Variants in FAM174A observed in about 807,000 individuals in gnomAD.
The protein encoded by FAM174A is family with sequence similarity 174 member A, also known as membrane protein FAM174A.
A neutral mutation model predicts 14.3 loss-of-function variants in FAM174A; 14 were observed. The ratio of observed to expected loss-of-function variants is 0.98; its 90% CI spans 0.65 to 1.53. The LOEUF (loss-of-function observed/expected upper bound fraction) is 1.53, where lower values mean the gene tolerates loss of function less well. Among genes scored for constraint, FAM174A ranks in the 40% most tolerant of loss-of-function variants. The pLI, the probability that FAM174A is intolerant of heterozygous loss-of-function variation, is 0.00. For synonymous variants in FAM174A, 108 were observed against 111.4 expected (o/e 0.97, Z 0.19); for missense variants, 241 against 249.6 (o/e 0.97, Z 0.23).
chr5:100,574,298 C>T (rs900477558), intron 2 of FAM174A, among the ~76,000 whole-genome samples: 5 of 152,142 alleles, frequency 3.3e-5, no homozygotes, highest in African/African-American at 1.2e-4. Context: ...AAGTGATTCT[C>T]ATGCCTCAGC....
At chr5:100,551,721 A>G (rs986105848) in intron 1 of FAM174A, among the ~76,000 whole-genome samples, 8 of 152,246 alleles carry the variant, frequency 5.3e-5, no homozygotes, top group Non-Finnish European at 1.2e-4. Context: ...CAAAATCAAG[A>G]TACTGGCAGG....
intron 2 of FAM174A, among the ~76,000 whole-genome samples, chr5:100,566,898 T>C (rs570425310): frequency 6.6e-6 from 1 of 151,956 alleles, no homozygotes; most frequent in East Asian, 1.9e-4. Context: ...AAGATTACCC[T>C]GACTGCATGG....
At chr5:100,569,929 A>G (rs530431812) in intron 2 of FAM174A, among the ~76,000 whole-genome samples, 1 of 152,038 alleles carries the variant, frequency 6.6e-6, no homozygotes, top group Admixed American at 6.6e-5. Flanking sequence ...TAAATCGGGA[A>G]TAATGCTCTT....
intron 1 of FAM174A, among the ~76,000 whole-genome samples, chr5:100,539,035 G>T (rs1426655124): frequency 6.6e-6 from 1 of 151,850 alleles, no homozygotes; most frequent in Non-Finnish European, 1.5e-5. Context: ...ATTCAATTTG[G>T]TATATTGGAA....
chr5:100,576,738 A>G (rs73774443), intron 2 of FAM174A, among the ~76,000 whole-genome samples: 1,677 of 152,134 alleles, frequency 0.011, 37 homozygotes, highest in African/African-American at 0.038. Context: ...GGTTTCTGGG[A>G]AAAAAAATAG....
At chr5:100,572,318 G>T in intron 2 of FAM174A, among the ~76,000 whole-genome samples, 1 of 139,518 alleles carries the variant, frequency 7.2e-6, no homozygotes. Flanking sequence ...AGTTACATAT[G>T]TATACATGTG....
At chr5:100,540,605 CACAAAATGTTT>C (rs1420209216) in intron 1 of FAM174A, among the ~76,000 whole-genome samples, 3 of 152,172 alleles carry the variant, frequency 2.0e-5, no homozygotes, top group Admixed American at 1.3e-4. Context: ...AACTTCCCTT[CACAAAATGTTT>C]ACTCATACAC....
At chr5:100,575,512 T>G (rs1383071110) in intron 2 of FAM174A, among the ~76,000 whole-genome samples, 1 of 152,156 alleles carries the variant, frequency 6.6e-6, no homozygotes, top group Non-Finnish European at 1.5e-5. Context: ...TTTGGTTTTT[T>G]GTCCTTGCTA....
intron 1 of FAM174A, among the ~76,000 whole-genome samples, chr5:100,540,839 C>T (rs943291943): frequency 6.6e-6 from 1 of 152,082 alleles, no homozygotes; most frequent in Non-Finnish European, 1.5e-5. Context: ...TTGTTGGGGG[C>T]GTTGAGGCCA....
chr5:100,571,176 GTC>G (rs1746771686), intron 2 of FAM174A, among the ~76,000 whole-genome samples: 1 of 151,562 alleles, frequency 6.6e-6, no homozygotes, highest in African/African-American at 2.4e-5. Context: ...GTGTGTGTGT[GTC>G]TTTTATATTA....
At chr5:100,576,805 A>T (rs916870645) in intron 2 of FAM174A, among the ~76,000 whole-genome samples, 1 of 152,170 alleles carries the variant, frequency 6.6e-6, no homozygotes, top group Non-Finnish European at 1.5e-5. Context: ...TAATTTTGTT[A>T]GTTAGAGGCA....
chr5:100,584,277 C>G (rs1747078100), intron 2 of FAM174A, among the ~76,000 whole-genome samples: 1 of 152,176 alleles, frequency 6.6e-6, no homozygotes, highest in African/African-American at 2.4e-5. Flanking sequence ...GTACTGTTAG[C>G]CTATCCTTTC....
chr5:100,576,165 GTAAT>G (rs1164948333), intron 2 of FAM174A, among the ~76,000 whole-genome samples: 1 of 152,070 alleles, frequency 6.6e-6, no homozygotes, highest in East Asian at 1.9e-4. Flanking sequence ...AAGATGTAGA[GTAAT>G]TATTTTTTCT....
intron 2 of FAM174A, chr5:100,581,442 T>C (rs983501626): frequency 3.2e-6 from 3 of 947,192 alleles, no homozygotes; most frequent in Non-Finnish European, 3.8e-6. Context: ...TTTTTAAAGA[T>C]ATAAGTTAAT....
chr5:100,542,883 G>C (rs1746089267), intron 1 of FAM174A, among the ~76,000 whole-genome samples: 1 of 151,694 alleles, frequency 6.6e-6, no homozygotes, highest in South Asian at 2.1e-4. Context: ...TCACACACAT[G>C]TGTAGGGGGT....
chr5:100,566,004 C>CTT (rs146686705), intron 2 of FAM174A, among the ~76,000 whole-genome samples: 12,262 of 151,018 alleles, frequency 0.081, 763 homozygotes, highest in African/African-American at 0.17. Context: ...ATGGGAAAAA[C>CTT]TTGCCCCTGT....
At chr5:100,579,065 T>C (rs1449141878) in intron 2 of FAM174A, among the ~76,000 whole-genome samples, 1 of 152,258 alleles carries the variant, frequency 6.6e-6, no homozygotes, top group Non-Finnish European at 1.5e-5. Context: ...TTTGTTTTCA[T>C]GTGAAACTAT....
At chr5:100,581,735 G>C (rs983072612) in intron 2 of FAM174A, among the ~76,000 whole-genome samples, 5 of 152,130 alleles carry the variant, frequency 3.3e-5, no homozygotes, top group Admixed American at 6.5e-5. Flanking sequence ...AGTAGCCCCT[G>C]AACAGCATGA....
At chr5:100,580,751 T>G (rs1341461970) in intron 2 of FAM174A, among the ~76,000 whole-genome samples, 1 of 152,168 alleles carries the variant, frequency 6.6e-6, no homozygotes, top group Non-Finnish European at 1.5e-5. Context: ...ACCATCACAC[T>G]TGCAGTCTTC....
Sources: gnomAD v4.1 joint callset for allele counts (sites outside exome capture counted in the v4.1 genomes callset) on GRCh38, gnomAD v4.1.1 for gene constraint, MANE v1.5 for transcripts, NCBI Gene and HGNC (gene_info 2026-07-23, HGNC 2026-07-21) for gene names.